NDRG2: variants seen among roughly 807,000 people sequenced by gnomAD.
The protein encoded by NDRG2 is NDRG family member 2, also known as protein NDRG2.
In NDRG2, 34 loss-of-function variants were observed where a neutral mutation model predicts 58.2. The ratio of observed to expected loss-of-function variants is 0.58; its 90% CI spans 0.44 to 0.78. The LOEUF (loss-of-function observed/expected upper bound fraction) is 0.78. Ranked by LOEUF, NDRG2 falls within the 30% of genes least tolerant of loss-of-function variation. NDRG2 has a pLI of 0.00. For synonymous variants in NDRG2, 187 were observed against 175.9 expected (o/e 1.06, Z -0.50); for missense variants, 434 against 471.2 (o/e 0.92, Z 0.73).
At chr14:21,025,218 G>T, upstream of NDRG2, 1 of 849,730 alleles carries the variant, frequency 1.2e-6, no homozygotes, top group Non-Finnish European at 1.4e-6. The surrounding 1 kb of genome is among the most constrained non-coding windows in gnomAD (Gnocchi z 5.1). Context: ...GCTCAGGAAA[G>T]GGTTGTGCTG....
chr14:21,024,706 TG>T lies in NDRG2; in HGVS notation c.-684del. On this transcript the variant is annotated 5_prime_UTR_variant, in exon 1 of 16. Coordinates refer to ENST00000556147, the MANE Select transcript of NDRG2 (RefSeq NM_001320329.2). ...GAAGGCAAGCGCCATCGGGAAGGGA[TG>T]GGTAGGACAGAGGAGACCGGCCGGG... The T allele has an allele frequency of 1.0e-6, 1 of 985,302 alleles. No homozygotes were observed. Among genetic ancestry groups the T allele is most frequent in the Non-Finnish European group, 1.2e-6 (1 of 829,910 alleles). The allele number at this position is 985,302 out of a possible 1,614,324, so 61.0% of individuals were successfully genotyped here. A position where few individuals can be genotyped will look rare whatever the true frequency, so the allele number is the denominator to read the frequency against.
At chr14:21,028,596 A>G (rs1301262662), upstream of NDRG2, 1 of 152,164 alleles carries the variant, frequency 6.6e-6, no homozygotes, top group East Asian at 1.9e-4. Flanking sequence ...TTGAATGCTA[A>G]GCAAAAAGAT....
chr14:21,067,279 T>A (rs1352575071), intron 1 of NDRG2, among the ~76,000 whole-genome samples: 1 of 65,578 alleles, frequency 1.5e-5, no homozygotes, highest in Non-Finnish European at 4.2e-5. Flanking sequence ...TAGAAAAAGG[T>A]AGGTTTTTTT....
At chr14:21,054,603 A>G (rs1478759953) in intron 1 of NDRG2, among the ~76,000 whole-genome samples, 3 of 152,208 alleles carry the variant, frequency 2.0e-5, no homozygotes, top group Admixed American at 2.0e-4. Context: ...TGTAACTGTT[A>G]ATGAATTATC....
chr14:21,033,681 T>G lies in NDRG2; in HGVS notation c.25-10360A>C, dbSNP rs111247802. On this transcript the variant is annotated intron_variant, in intron 1 of 14. Coordinates refer to the NDRG2 transcript ENST00000403829. ...CATGGTGATCAAAGCCCTGGACATT[T>G]TCGCACCCACCTGGTCTCTTGGGAG... 306 of 683,992 alleles carry G rather than the reference T, an allele frequency of 4.5e-4. 1 individual carries two copies. Among genetic ancestry groups the G allele is most frequent in the Middle Eastern group, 3.8e-3 (15 of 3,928 alleles). The allele number at this position is 683,992 out of a possible 1,614,324, so 42.4% of individuals were successfully genotyped here.
chr14:21,029,722 C>T (rs1253670788), upstream of NDRG2, among the ~76,000 whole-genome samples: 4 of 152,130 alleles, frequency 2.6e-5, no homozygotes, highest in African/African-American at 7.2e-5. Flanking sequence ...GGGATTCATA[C>T]CCTTATAAAT....
chr14:21,022,210 A>G, intron 4 of NDRG2, 28 bp from the exon 5 acceptor site: 2 of 1,614,006 alleles, frequency 1.2e-6, no homozygotes, highest in Non-Finnish European at 1.7e-6. Flanking sequence ...CACCTCAACA[A>G]TAGAATCAGA....
chr14:21,053,398 C>T (rs1358111781), intron 1 of NDRG2, among the ~76,000 whole-genome samples: 5 of 152,096 alleles, frequency 3.3e-5, no homozygotes, highest in African/African-American at 1.2e-4. Context: ...GAGGCCGAGG[C>T]AGGTGGCTCA....
intron 1 of NDRG2, among the ~76,000 whole-genome samples, chr14:21,064,601 C>T (rs1481340109): frequency 6.6e-6 from 1 of 152,212 alleles, no homozygotes; most frequent in Non-Finnish European, 1.5e-5. Context: ...CGCACCCAGC[C>T]TACTTGATGC....
At position 21,017,553 on chromosome 14, in the gene NDRG2, G is replaced by A; in HGVS notation, c.*43C>T. On this transcript the variant is annotated 3_prime_UTR_variant, in exon 16 of 16. Coordinates refer to ENST00000556147, the MANE Select transcript of NDRG2 (RefSeq NM_001320329.2). ...TCAGCACCTCCCAGGTTAGCTCTGG[G>A]GGAGGTGAGGGCTGGGTCCCACTCT... 1 of 1,591,940 alleles carries A rather than the reference G, an allele frequency of 6.3e-7. No homozygotes were observed.
At chr14:21,023,119 A>G in intron 2 of NDRG2, 122 bp downstream of exon 2, 2 of 930,226 alleles carry the variant, frequency 2.2e-6, no homozygotes, top group Non-Finnish European at 3.4e-6. Context: ...GAGAGAGACT[A>G]GGGTAGTGGT....
At chr14:21,033,077 T>C in intron 1 of NDRG2, 1 of 442,986 alleles carries the variant, frequency 2.3e-6, no homozygotes, top group Non-Finnish European at 4.5e-6. Context: ...CTCTGGGGAA[T>C]GGGTGAGAGA....
intron 1 of NDRG2, among the ~76,000 whole-genome samples, chr14:21,051,101 C>T (rs1885445987): frequency 6.6e-6 from 1 of 152,170 alleles, no homozygotes; most frequent in Non-Finnish European, 1.5e-5. Context: ...TATCTTGTGA[C>T]TTTGTGTACC....
chr14:21,026,017 C>G (rs1287445543), upstream of NDRG2, among the ~76,000 whole-genome samples: 1 of 152,128 alleles, frequency 6.6e-6, no homozygotes, highest in Non-Finnish European at 1.5e-5. Flanking sequence ...CTAACCCCTC[C>G]CAGTCCGGCC....
At chr14:21,050,374 TC>T (rs895557606) in intron 1 of NDRG2, among the ~76,000 whole-genome samples, 7 of 152,192 alleles carry the variant, frequency 4.6e-5, no homozygotes, top group African/African-American at 1.7e-4. Flanking sequence ...CATCTGCTAC[TC>T]CGGACCAGGG....
chr14:21,031,129 C>T, intron 1 of NDRG2: 1 of 1,614,110 alleles, frequency 6.2e-7, no homozygotes. Flanking sequence ...TTTATGGACT[C>T]ATGGAGGGCA....
Position 21,021,680 on chromosome 14 carries a change from C to A in NDRG2, c.407+137G>T, listed in dbSNP as rs75931750. 27 of 949,122 alleles carry A rather than the reference C, an allele frequency of 2.8e-5. No individual in the cohort carries two copies. The Admixed American group carries it at 6.2e-4, about 22-fold the overall frequency. 58.8% of individuals were successfully genotyped at this position (949,122 alleles called of 1,614,324 possible). ...CACCACCTTTTCTCAATAATCAAGGCGGGAGCATGAAGGAAGAAGATATAT... is the reference window on the plus strand; with the variant it reads ...CACCACCTTTTCTCAATAATCAAGGAGGGAGCATGAAGGAAGAAGATATAT... On this transcript the variant is annotated intron_variant, in intron 6 of 15. Coordinates refer to ENST00000556147, the MANE Select transcript of NDRG2 (RefSeq NM_001320329.2).
At chr14:21,061,334 T>A (rs1885947517) in intron 1 of NDRG2, among the ~76,000 whole-genome samples, 1 of 152,162 alleles carries the variant, frequency 6.6e-6, no homozygotes, top group African/African-American at 2.4e-5. Context: ...GTAGAATGAA[T>A]CGTTAAGGAG....
intron 1 of NDRG2, chr14:21,032,975 C>G (rs2139086050): frequency 2.2e-6 from 1 of 456,060 alleles, no homozygotes; most frequent in East Asian, 7.0e-5. Context: ...TCGATTAGAG[C>G]CGGGCCTGCC....
Sources: allele counts gnomAD v4.1 joint callset (sites outside exome capture counted in the v4.1 genomes callset), GRCh38; gene constraint gnomAD v4.1.1; non-coding constraint Gnocchi (gnomAD v3.1); transcripts MANE v1.5; gene names NCBI Gene and HGNC (gene_info 2026-07-23, HGNC 2026-07-21).